Variants in OR9I1 observed in about 807,000 individuals in gnomAD.
OR9I1 encodes olfactory receptor family 9 subfamily I member 1.
A neutral mutation model predicts 11.2 loss-of-function variants in OR9I1; 7 were observed. The observed-to-expected ratio is 0.62, with a 90% confidence interval of 0.36 to 1.17. The LOEUF is 1.17. OR9I1 is among the 50% of genes most tolerant of loss of function. The probability of loss-of-function intolerance (pLI) is 0.02; values close to 1 mark genes in which losing one functional copy is unlikely to be tolerated. For missense variants in OR9I1, 428 were observed against 377.2 expected (o/e 1.13, Z -1.12); for synonymous variants, 165 against 153.4 (o/e 1.08, Z -0.56).
chr11:58,122,412 G>A (rs1034251858), intron 2 of OR9I1, among the ~76,000 whole-genome samples: 5 of 152,230 alleles, frequency 3.3e-5, no homozygotes, highest in African/African-American at 1.2e-4. Context: ...AACTTCAAAC[G>A]TTTATTTTCC....
chr11:58,122,062 G>C (rs1854038868), intron 2 of OR9I1, among the ~76,000 whole-genome samples: 1 of 152,128 alleles, frequency 6.6e-6, no homozygotes, highest in African/African-American at 2.4e-5. Context: ...ATTCCACTGG[G>C]ACCTGCCAGG....
chr11:58,117,708 C>T lies in OR9I1; in HGVS notation c.*792G>A, dbSNP rs1853970890. On this transcript the variant is annotated 3_prime_UTR_variant, in exon 3 of 3. Coordinates refer to ENST00000641439, the MANE Select transcript of OR9I1 (RefSeq NM_001005211.2). ...GTTGCTTGGTAGGAGAGAACTGTTC[C>T]TGAGACACGCAATAGGGTGAGGAGG... The T allele has an allele frequency of 6.6e-6, 1 of 152,078 alleles. No homozygotes were observed. The highest frequency in any genetic ancestry group is 1.5e-5 in the Non-Finnish European group (1 of 68,050). 9.4% of individuals were successfully genotyped at this position (152,078 alleles called of 1,614,324 possible).
chr11:58,119,340 G>A lies in OR9I1; in HGVS notation c.105C>T (p.Tyr35=). ...CCACATTCCCAAGAAGGGTGACTAG[G>A]TAGAAACTCAGAAACACCAGAAAGA... ...IPLFLVFLSF[Y]LVTLLGNVGM... Residue 35 remains tyrosine (Y), a synonymous_variant, in exon 3 of 3, where the codon TAC becomes TAT. Coordinates refer to ENST00000641439, the MANE Select transcript of OR9I1 (RefSeq NM_001005211.2). 6.2e-7 allele frequency: 1 copy of A among 1,613,856 alleles called. No individual in the cohort carries two copies. Among genetic ancestry groups the A allele is most frequent in the Non-Finnish European group, 8.5e-7 (1 of 1,179,790 alleles).
rs747198304 is a variant in OR9I1, at chr11:58,119,065, C to A, written c.380G>T (p.Arg127Leu). The A allele has an allele frequency of 6.2e-7, 1 of 1,613,918 alleles. No individual in the cohort carries two copies. ...GGCCACGGTATAGAGCAGTGGGTTG[C>A]GAATGGCAGCATAGCGATCATAGGC... ...VMAYDRYAAI[R>L]NPLLYTVAMN... is the part of the protein sequence containing the mutation. Residue 127 changes from arginine to leucine, a missense_variant, in exon 3 of 3, where the codon CGC (arginine) becomes CTC (leucine). Physicochemically the swap from Arg to Leu is moderately radical, Grantham distance 102. Coordinates refer to ENST00000641439, the MANE Select transcript of OR9I1 (RefSeq NM_001005211.2).
At chr11:58,123,965 A>G (rs538754428) in intron 2 of OR9I1, among the ~76,000 whole-genome samples, 35 of 152,294 alleles carry the variant, frequency 2.3e-4, no homozygotes, top group Middle Eastern at 3.4e-3. Context: ...TGCTCAACCA[A>G]TTGGAACCTC....
At position 58,118,995 on chromosome 11, in the gene OR9I1, G is replaced by C; in HGVS notation, c.450C>G (p.Val150=). The C allele has an allele frequency of 6.2e-7, 1 of 1,613,902 alleles. No individual in the cohort carries two copies. The highest frequency in any genetic ancestry group is 1.7e-5 in the Admixed American group (1 of 60,016). The part of the protein sequence containing the change: ...LCWSLVVGAY[V]CGVSGAILRT... The stretch of plus-strand genomic sequence containing the variant: ...GCAGGATGGCTCCTGACACCCCACA[G>C]ACATAGGCTCCTACCACCAGGCTCC... Residue 150 remains valine, a synonymous_variant, in exon 3 of 3, where the codon GTC becomes GTG. Transcript: ENST00000641439.
In OR9I1 at chr11:58,116,953, T is replaced by A. The variant is rs1388672534; in HGVS notation, c.*1547A>T. On this transcript the variant is annotated 3_prime_UTR_variant, in exon 3 of 3. Coordinates refer to ENST00000641439, the MANE Select transcript of OR9I1 (RefSeq NM_001005211.2). Reference sequence around the variant, plus strand: ...CTATGTGGGATATAGATACATGCACTCCACCTTTCCAGGTAAGTACTCGTT... The same window carrying A: ...CTATGTGGGATATAGATACATGCACACCACCTTTCCAGGTAAGTACTCGTT... 1 of 152,248 alleles carries A rather than the reference T, an allele frequency of 6.6e-6. No individual in the cohort carries two copies. Among genetic ancestry groups the A allele is most frequent in the Non-Finnish European group, 1.5e-5 (1 of 68,048 alleles). 9.4% of individuals were successfully genotyped at this position (152,248 alleles called of 1,614,324 possible).
chr11:58,120,807 T>TATAC (rs1314633696), intron 2 of OR9I1, among the ~76,000 whole-genome samples: 1 of 90,200 alleles, frequency 1.1e-5, no homozygotes, highest in Non-Finnish European at 2.8e-5. Context: ...CAATACCATA[T>TATAC]ATATATATAT....
At chr11:58,123,138 T>C (rs1854052596) in intron 2 of OR9I1, among the ~76,000 whole-genome samples, 1 of 152,200 alleles carries the variant, frequency 6.6e-6, no homozygotes, top group African/African-American at 2.4e-5. Context: ...CTTTGGGAGA[T>C]TAATTTGTCT....
At position 58,118,960 on chromosome 11, in the gene OR9I1, C is replaced by T. The variant is rs962094527; in HGVS notation, c.485G>A (p.Cys162Tyr). 1.9e-6 allele frequency: 3 copies of T among 1,613,876 alleles called. No homozygotes were observed. The South Asian group carries it at 3.3e-5, about 18-fold the overall frequency. The change falls in exon 3 of 3, where the codon TGC becomes TAC. Residue 162 changes from cysteine to tyrosine, a missense_variant. Coordinates refer to ENST00000641439, the MANE Select transcript of OR9I1 (RefSeq NM_001005211.2). ...CTTACAGAAGGAGAGGGTGAAGGTG[C>T]AAGTGGTACGCAGGATGGCTCCTGA... ...GVSGAILRTT[C>Y]TFTLSFCKDN...
rs547538804 is a variant in OR9I1, at chr11:58,117,854, A to G, written c.*646T>C. 10 of 152,310 alleles carry G rather than the reference A, an allele frequency of 6.6e-5. No homozygotes were observed. The East Asian group carries it at 1.9e-3, about 29-fold the overall frequency. 9.4% of individuals were successfully genotyped at this position (152,310 alleles called of 1,614,324 possible). A position where few individuals can be genotyped will look rare whatever the true frequency, so the allele number is the denominator to read the frequency against. On this transcript the variant is annotated 3_prime_UTR_variant, in exon 3 of 3. Coordinates refer to ENST00000641439, the MANE Select transcript of OR9I1 (RefSeq NM_001005211.2). ...CATTAAAAAAAGGAACAACAAAACCAGTAAGGTACCAAGTGATAAGGAAAA... is the reference window on the plus strand; with the variant it reads ...CATTAAAAAAAGGAACAACAAAACCGGTAAGGTACCAAGTGATAAGGAAAA...
chr11:58,119,999 C>T, intron 2 of OR9I1, among the ~76,000 whole-genome samples: 1 of 152,166 alleles, frequency 6.6e-6, no homozygotes, highest in South Asian at 2.1e-4. Flanking sequence ...GCCCACCATT[C>T]CCTTATAGTA....
chr11:58,124,233 A>G (rs1470306279), intron 2 of OR9I1, among the ~76,000 whole-genome samples: 1 of 152,154 alleles, frequency 6.6e-6, no homozygotes, highest in Non-Finnish European at 1.5e-5. Context: ...ACAGTTTATG[A>G]AAGGGAAAGC....
chr11:58,124,214 G>A (rs544072846), intron 2 of OR9I1, among the ~76,000 whole-genome samples: 11 of 152,178 alleles, frequency 7.2e-5, no homozygotes, highest in South Asian at 2.1e-4. Flanking sequence ...CCAACTCCCC[G>A]AACCCAGGAC....
At chr11:58,122,861 G>A (rs1257201197) in intron 2 of OR9I1, among the ~76,000 whole-genome samples, 1 of 151,714 alleles carries the variant, frequency 6.6e-6, no homozygotes, top group African/African-American at 2.4e-5. Context: ...TAGTGGCTGT[G>A]GTGTGTTTTA....
rs1322234974 is a variant in OR9I1, at chr11:58,118,312, A to G, written c.*188T>C. 3 of 536,600 alleles carry G rather than the reference A, an allele frequency of 5.6e-6. No individual in the cohort carries two copies. Among genetic ancestry groups the G allele is most frequent in the African/African-American group, 1.9e-5 (1 of 52,806 alleles). 33.2% of individuals were successfully genotyped at this position (536,600 alleles called of 1,614,324 possible). A position where few individuals can be genotyped will look rare whatever the true frequency, so the allele number is the denominator to read the frequency against. The stretch of plus-strand genomic sequence containing the variant: ...TGGATTGAAAGTGGAAGAAGGGGAT[A>G]AGAAGAAAGAACATGGAATTGCTGG... On this transcript the variant is annotated 3_prime_UTR_variant, in exon 3 of 3. Coordinates refer to ENST00000641439, the MANE Select transcript of OR9I1 (RefSeq NM_001005211.2).
intron 2 of OR9I1, among the ~76,000 whole-genome samples, chr11:58,123,725 T>C (rs41325844): frequency 0.14 from 20,685 of 152,198 alleles, 1,804 homozygotes; most frequent in Non-Finnish European, 0.21. Flanking sequence ...TCTTATCATG[T>C]TCTCTTTTTA....
At chr11:58,121,765 T>G (rs1202507876) in intron 2 of OR9I1, among the ~76,000 whole-genome samples, 1 of 152,208 alleles carries the variant, frequency 6.6e-6, no homozygotes, top group Non-Finnish European at 1.5e-5. Flanking sequence ...TGTGGCAACA[T>G]GGGGATTGCT....
In OR9I1 at chr11:58,119,130, G is replaced by A; in HGVS notation, c.315C>T (p.Thr105=). 8 of 1,614,000 alleles carry A rather than the reference G, an allele frequency of 5.0e-6. 2 individuals carry two copies. In the South Asian group the frequency reaches 8.8e-5, roughly 18 times the overall value. The change falls in exon 3 of 3, where the codon ACC becomes ACT. Residue 105 remains threonine (T), a synonymous_variant. Coordinates refer to ENST00000641439, the MANE Select transcript of OR9I1 (RefSeq NM_001005211.2). ...GHCAAQFFLF[T]ICAGTECFLL... ...GAAAGCACTCTGTGCCTGCACAGAT[G>A]GTGAATAAAAAGAACTGGGCAGCAC...
Sources: allele counts gnomAD v4.1 joint callset (sites outside exome capture counted in the v4.1 genomes callset), GRCh38; gene constraint gnomAD v4.1.1; transcripts MANE v1.5; gene names NCBI Gene and HGNC (gene_info 2026-07-23, HGNC 2026-07-21).